NUSAP1: variants seen among roughly 807,000 people sequenced by gnomAD.
NUSAP1 encodes the protein nucleolar and spindle-associated protein 1.
In NUSAP1, 32 loss-of-function variants were observed where a neutral mutation model predicts 52.8. The observed-to-expected ratio is 0.61, with a 90% CI of 0.46 to 0.81. The LOEUF is 0.81. NUSAP1 is among the 40% of genes least tolerant of loss of function. NUSAP1 has a pLI of 0.00. For synonymous variants in NUSAP1, 195 were observed against 183.1 expected, an observed-to-expected ratio of 1.06 and a Z score of -0.52; for missense variants, 499 against 522.3, an observed-to-expected ratio of 0.96 and a Z score of 0.43.
At chr15:41,338,942 G>A (rs1323487514) in intron 1 of NUSAP1, among the ~76,000 whole-genome samples, 1 of 152,016 alleles carries the variant, frequency 6.6e-6, no homozygotes, top group Non-Finnish European at 1.5e-5. Flanking sequence ...TCCACCCTGG[G>A]CGACAGAGCG....
At chr15:41,354,232 C>T (rs985497829) in intron 4 of NUSAP1, among the ~76,000 whole-genome samples, 8 of 152,154 alleles carry the variant, frequency 5.3e-5, no homozygotes, top group South Asian at 2.1e-4. Context: ...ACAGGCCAGG[C>T]GCAGTGGCTT....
Position 41,351,007 on chromosome 15 carries a change from A to C in NUSAP1, c.326A>C (p.Lys109Thr). 6.2e-7 allele frequency: 1 copy of C among 1,609,552 alleles called. No individual in the cohort carries two copies. Among genetic ancestry groups the C allele is most frequent in the South Asian group, 1.1e-5 (1 of 90,014 alleles). ...TTGTAGCAGAATCATTCAGAGATAA[A>C]AATAAGTAATCCCACTGAATTCCAG... ...PDSQQNHSEI[K>T]ISNPTEFQNH... Residue 109 changes from lysine (K) to threonine (T), a missense_variant, in exon 4 of 11, where the codon AAA (lysine) becomes ACA (threonine). Transcript: ENST00000559596.
intron 1 of NUSAP1, among the ~76,000 whole-genome samples, chr15:41,338,976 AT>A (rs201866016): frequency 9.2e-5 from 14 of 151,534 alleles, no homozygotes; most frequent in Non-Finnish European, 1.3e-4. Context: ...AAAAAAAAAA[AT>A]AAACTTAGAA....
chr15:41,333,037 G>T lies in NUSAP1; in HGVS notation c.80G>T (p.Arg27Leu). The T allele has an allele frequency of 1.2e-6, 2 of 1,610,028 alleles. No individual in the cohort carries two copies. The highest frequency in any genetic ancestry group is 1.7e-6 in the Non-Finnish European group (2 of 1,178,168). ...LQNLAKSLGLRANLRATKLLK... is the reference protein window; with the variant it reads ...LQNLAKSLGLLANLRATKLLK... ...AACTTAGCCAAGAGTCTGGGTCTCC[G>T]GGCCAACCTGAGGGTACGGCGCTGG... Residue 27 changes from arginine to leucine, a missense_variant, in exon 1 of 11, where the codon CGG (arginine) becomes CTG (leucine). Coordinates refer to ENST00000559596, the MANE Select transcript of NUSAP1 (RefSeq NM_016359.5).
At chr15:41,353,849 C>G (rs2048865713) in intron 4 of NUSAP1, among the ~76,000 whole-genome samples, 1 of 152,172 alleles carries the variant, frequency 6.6e-6, no homozygotes, top group South Asian at 2.1e-4. Flanking sequence ...GCACCCTACA[C>G]TTCAGCAATT....
chr15:41,365,853 T>C, intron 7 of NUSAP1: 1 of 195,304 alleles, frequency 5.1e-6, no homozygotes, highest in Non-Finnish European at 1.1e-5. Flanking sequence ...CCCGAGTAGC[T>C]GGGACTACAG....
At chr15:41,350,300 G>T (rs567793485) in intron 3 of NUSAP1, among the ~76,000 whole-genome samples, 1 of 152,116 alleles carries the variant, frequency 6.6e-6, no homozygotes, top group African/African-American at 2.4e-5. Context: ...ATAATCTATA[G>T]CGTAACATAA....
chr15:41,335,407 A>G (rs2140492269), intron 1 of NUSAP1, among the ~76,000 whole-genome samples: 2 of 141,672 alleles, frequency 1.4e-5, no homozygotes, highest in African/African-American at 5.1e-5. Context: ...TACTATATTA[A>G]TATACTATAT....
At chr15:41,337,837 T>C (rs761549854) in intron 1 of NUSAP1, among the ~76,000 whole-genome samples, 1 of 152,002 alleles carries the variant, frequency 6.6e-6, no homozygotes, top group African/African-American at 2.4e-5. Flanking sequence ...AAATGTGGAG[T>C]GCCCCCAGGG....
Position 41,360,732 on chromosome 15 carries a change from C to T in NUSAP1, c.660+2474C>T, listed in dbSNP as rs556265058. Among the ~76,000 whole-genome samples, 22 of 151,940 alleles carry T rather than the reference C, an allele frequency of 1.4e-4. No homozygotes were observed. The East Asian group carries it at 4.3e-3, about 30-fold the overall frequency. ...TCAGCCTCCCAAAGTGCTGGGATTACAGGCGTGAGCCACCACTCCTGTCCT... is the reference window on the plus strand; with the variant it reads ...TCAGCCTCCCAAAGTGCTGGGATTATAGGCGTGAGCCACCACTCCTGTCCT... On this transcript the variant is annotated intron_variant, in intron 6 of 10. Transcript: ENST00000559596.
chr15:41,349,388 T>G, intron 3 of NUSAP1, 147 bp downstream of exon 3: 2 of 716,874 alleles, frequency 2.8e-6, no homozygotes, highest in East Asian at 5.6e-5. Flanking sequence ...CAGACCCAAG[T>G]CCAGCTGCTC....
chr15:41,355,559 G>A (rs2048934135), intron 4 of NUSAP1, among the ~76,000 whole-genome samples: 1 of 152,088 alleles, frequency 6.6e-6, no homozygotes. Context: ...TGTAATCGTA[G>A]GAATGCTGTA....
chr15:41,368,728 C>CTTTTTTTTTTTTTTTTTTTTTTTTTA (rs57501156), intron 7 of NUSAP1, among the ~76,000 whole-genome samples: 1 of 77,942 alleles, frequency 1.3e-5, no homozygotes, highest in Non-Finnish European at 2.3e-5. Context: ...TTATTTTATT[C>CTTTTTTTTTTTTTTTTTTTTTTTTTA]TTTTTTTTTT....
chr15:41,355,967 CGTGCCCGGCCACATATTTCTT>C, intron 4 of NUSAP1, 51 bp from the exon 5 acceptor site: 1 of 905,962 alleles, frequency 1.1e-6, no homozygotes, highest in Non-Finnish European at 1.7e-6. Flanking sequence ...CGTGAGCTAC[CGTGCCCGGCCACATATTTCTT>C]AATGAGAACT....
At position 41,338,092 on chromosome 15, in the gene NUSAP1, C is replaced by T. The variant is rs1042796715; in HGVS notation, c.94-4294C>T. 5.9e-5 allele frequency among the ~76,000 whole-genome samples: 9 copies of T among 151,872 alleles called. No homozygotes were observed. The Middle Eastern group carries it at 0.01, about 172-fold the overall frequency. On this transcript the variant is annotated intron_variant, in intron 1 of 10. Transcript: ENST00000559596. ...GGATTATAGGTGCCTGCCACCATGC[C>T]CAGCTAATTTTTTTGTATTTTTAGT...
At chr15:41,344,657 C>G (rs1595538161) in intron 2 of NUSAP1, among the ~76,000 whole-genome samples, 1 of 151,858 alleles carries the variant, frequency 6.6e-6, no homozygotes, top group Non-Finnish European at 1.5e-5. Context: ...TGACAAAAAC[C>G]AGGCTGGGCA....
chr15:41,377,007 C>T (rs1201932402), intron 9 of NUSAP1, among the ~76,000 whole-genome samples, 189 bp from the exon 10 acceptor site: 2 of 151,734 alleles, frequency 1.3e-5, no homozygotes, highest in African/African-American at 2.4e-5. Context: ...GCCCAGGAGG[C>T]GGAGGTTGCT....
chr15:41,377,084 GAA>G (rs1010107411), intron 9 of NUSAP1, 110 bp from the exon 10 acceptor site: 4 of 611,546 alleles, frequency 6.5e-6, no homozygotes, highest in Admixed American at 6.5e-5. Flanking sequence ...CTGTCTCAAA[GAA>G]AAAAAAAGTA....
intron 3 of NUSAP1, 90 bp downstream of exon 3, chr15:41,349,331 G>T (rs1161561485): frequency 7.7e-7 from 1 of 1,299,382 alleles, no homozygotes; most frequent in Non-Finnish European, 1.1e-6. Context: ...CCCATGTGAT[G>T]TCATGTGTTT....
Sources: gnomAD v4.1 joint callset for allele counts (sites outside exome capture counted in the v4.1 genomes callset) on GRCh38, gnomAD v4.1.1 for gene constraint, MANE v1.5 for transcripts, NCBI Gene and HGNC (gene_info 2026-07-23, HGNC 2026-07-21) for gene names.